The following THSD4 variants were observed in gnomAD, a reference collection of about 807,000 sequenced individuals.
The protein encoded by THSD4 is thrombospondin type 1 domain containing 4.
Under a neutral mutation model 119.0 loss-of-function variants are expected in THSD4, and 69 were observed. That is an observed-to-expected ratio of 0.58 (90% CI 0.48 to 0.71). The LOEUF (loss-of-function observed/expected upper bound fraction) is 0.71. Among genes scored for constraint, THSD4 ranks in the 30% least tolerant of loss-of-function variants. The pLI is 0.00. For synonymous variants in THSD4, 524 were observed against 540.4 expected (o/e 0.97, Z 0.42); for missense variants, 1,393 against 1,391.1 (o/e 1.00, Z -0.02).
intron 7 of THSD4, among the ~76,000 whole-genome samples, chr15:71,563,727 G>T (rs763447605): frequency 6.6e-6 from 1 of 152,202 alleles, no homozygotes. Context: ...GACCTTAGTA[G>T]ATGTGGCTTT....
At chr15:71,661,998 G>A (rs889795094) in intron 8 of THSD4, among the ~76,000 whole-genome samples, 1 of 152,134 alleles carries the variant, frequency 6.6e-6, no homozygotes, top group Non-Finnish European at 1.5e-5. Flanking sequence ...ATAACGAGGT[G>A]GAGCTGGGGT....
At chr15:71,390,084 C>T (rs2140466602) in intron 6 of THSD4, among the ~76,000 whole-genome samples, 1 of 152,092 alleles carries the variant, frequency 6.6e-6, no homozygotes, top group South Asian at 2.1e-4. Context: ...ATTACAGGTT[C>T]CATTTTTGAG....
At chr15:71,759,365 A>G (rs939017471) in intron 15 of THSD4, among the ~76,000 whole-genome samples, 1 of 152,194 alleles carries the variant, frequency 6.6e-6, no homozygotes, top group Admixed American at 6.5e-5. Flanking sequence ...TTCTGGCTCT[A>G]GGTGAGTGAT....
chr15:71,385,667 C>T (rs543084176), intron 6 of THSD4, among the ~76,000 whole-genome samples: 2 of 152,290 alleles, frequency 1.3e-5, no homozygotes, highest in Admixed American at 6.5e-5. Context: ...GGCTGAGACT[C>T]AGTTATCTGT....
At chr15:71,549,575 A>G (rs1487729179) in intron 7 of THSD4, 1 of 152,114 alleles carries the variant, frequency 6.6e-6, no homozygotes, top group East Asian at 1.9e-4. Context: ...CCTCTTTTTT[A>G]TTGTCGTGTT....
intron 5 of THSD4, among the ~76,000 whole-genome samples, chr15:71,243,802 T>G (rs1296015454): frequency 2.9e-5 from 4 of 140,192 alleles, no homozygotes; most frequent in Non-Finnish European, 6.2e-5. Context: ...TTTTTTTTTT[T>G]GAGATGGAGT....
intron 8 of THSD4, among the ~76,000 whole-genome samples, chr15:71,713,740 C>G (rs950575032): frequency 3.9e-5 from 6 of 151,994 alleles, no homozygotes; most frequent in Admixed American, 1.3e-4. Context: ...CCAACTTCTA[C>G]CAAGTTACAG....
intron 7 of THSD4, among the ~76,000 whole-genome samples, chr15:71,505,568 G>A (rs773032083): frequency 1.1e-4 from 16 of 152,104 alleles, no homozygotes; most frequent in Non-Finnish European, 1.5e-4. Context: ...GAAAAGCAGC[G>A]GTCAAAAGCA....
At chr15:71,349,417 G>A (rs2045714854) in intron 6 of THSD4, among the ~76,000 whole-genome samples, 1 of 152,112 alleles carries the variant, frequency 6.6e-6, no homozygotes, top group South Asian at 2.1e-4. Context: ...ACACGAGCCT[G>A]TTCACTTCTC....
intron 7 of THSD4, among the ~76,000 whole-genome samples, chr15:71,523,035 G>A (rs1320762916): frequency 6.6e-6 from 1 of 152,146 alleles, no homozygotes; most frequent in Non-Finnish European, 1.5e-5. Context: ...TGGGAACAGA[G>A]GAGTCAACAC....
Position 71,213,183 on chromosome 15 carries a change from T to C in THSD4, c.100-1852T>C, listed in dbSNP as rs935675012. On this transcript the variant is annotated intron_variant, in intron 3 of 17. Transcript: ENST00000261862. Reference sequence around the variant, plus strand: ...CTTCCTTGCCTCTTCCAGCTTCTGGTGGCTCCAGGAATTCCTTGGCTTGTG... The same window carrying C: ...CTTCCTTGCCTCTTCCAGCTTCTGGCGGCTCCAGGAATTCCTTGGCTTGTG... Among the ~76,000 whole-genome samples, 6 of 152,316 alleles carry C rather than the reference T, an allele frequency of 3.9e-5. No individual in the cohort carries two copies. The South Asian group carries it at 8.3e-4, about 21-fold the overall frequency.
chr15:71,279,796 AC>A (rs1486845922), intron 6 of THSD4, among the ~76,000 whole-genome samples: 1 of 146,910 alleles, frequency 6.8e-6, no homozygotes, highest in African/African-American at 2.5e-5. Flanking sequence ...AAAAAAAAAA[AC>A]ACAAAGATTG....
At chr15:71,715,779 T>G (rs1022752956) in intron 8 of THSD4, among the ~76,000 whole-genome samples, 1 of 41,114 alleles carries the variant, frequency 2.4e-5, no homozygotes, top group African/African-American at 3.4e-5. Flanking sequence ...CTCTGGGTTT[T>G]TTTTTTTTTT....
intron 7 of THSD4, among the ~76,000 whole-genome samples, chr15:71,542,522 T>A (rs2048772548): frequency 6.6e-6 from 1 of 152,154 alleles, no homozygotes; most frequent in Non-Finnish European, 1.5e-5. Context: ...GGCATTTTGC[T>A]TCTATAGTAT....
At chr15:71,625,163 C>A (rs1161707157) in intron 7 of THSD4, among the ~76,000 whole-genome samples, 2 of 152,050 alleles carry the variant, frequency 1.3e-5, no homozygotes, top group Non-Finnish European at 2.9e-5. Flanking sequence ...TGCACTACCA[C>A]CCCCCGGCTA....
chr15:71,181,949 G>T (rs1364649893), intron 3 of THSD4, among the ~76,000 whole-genome samples: 3 of 152,142 alleles, frequency 2.0e-5, no homozygotes, highest in African/African-American at 7.2e-5. Flanking sequence ...AAAAATCTTG[G>T]GTCACAGATT....
intron 6 of THSD4, among the ~76,000 whole-genome samples, chr15:71,393,701 G>A (rs1282495408): frequency 6.6e-6 from 1 of 152,126 alleles, no homozygotes; most frequent in African/African-American, 2.4e-5. Flanking sequence ...ATTCAATTGA[G>A]CAATTGATTA....
chr15:71,610,811 A>T (rs1441754342), intron 7 of THSD4, among the ~76,000 whole-genome samples: 3 of 152,178 alleles, frequency 2.0e-5, no homozygotes, highest in African/African-American at 7.2e-5. Context: ...CCAGATATAA[A>T]TTGGAGGGAA....
At chr15:71,129,995 G>T (rs34610305) in intron 1 of THSD4, among the ~76,000 whole-genome samples, 17,643 of 152,112 alleles carry the variant, frequency 0.12, 1,202 homozygotes, top group East Asian at 0.36. Flanking sequence ...TGGAGGCACT[G>T]AGAAAATATC....
Sources: allele counts gnomAD v4.1 joint callset (sites outside exome capture counted in the v4.1 genomes callset), GRCh38; gene constraint gnomAD v4.1.1; transcripts MANE v1.5; gene names NCBI Gene and HGNC (gene_info 2026-07-23, HGNC 2026-07-21).